RFFL: variants seen among roughly 807,000 people sequenced by gnomAD.
The protein encoded by RFFL is E3 ubiquitin-protein ligase rififylin.
RFFL carries 16 observed loss-of-function variants against 40.4 expected under a neutral mutation model. That is an observed-to-expected ratio of 0.40 (90% CI 0.27 to 0.60). The LOEUF (loss-of-function observed/expected upper bound fraction) is 0.60, where lower values mean the gene tolerates loss of function less well. Among genes scored for constraint, RFFL ranks in the 20% least tolerant of loss-of-function variants. The pLI, the probability that RFFL is intolerant of heterozygous loss-of-function variation, is 0.47. For synonymous variants in RFFL, 154 were observed against 167.9 expected (o/e 0.92, Z 0.64); for missense variants, 367 against 451.7 (o/e 0.81, Z 1.70).
intron 1 of RFFL, among the ~76,000 whole-genome samples, chr17:35,048,617 A>G (rs1357730906): frequency 6.6e-6 from 1 of 151,896 alleles, no homozygotes; most frequent in Non-Finnish European, 1.5e-5. Context: ...TCTCTTCCCA[A>G]TTCCACCCCA....
At chr17:35,086,996 TTTG>T (rs1567720362) in intron 1 of RFFL, among the ~76,000 whole-genome samples, 1 of 152,226 alleles carries the variant, frequency 6.6e-6, no homozygotes, top group Admixed American at 6.5e-5. Context: ...TGTGCCCTTT[TTTG>T]TTATTGTTGC....
intron 1 of RFFL, among the ~76,000 whole-genome samples, chr17:35,033,499 G>A (rs1005957244): frequency 1.4e-4 from 21 of 151,946 alleles, no homozygotes; most frequent in Admixed American, 2.6e-4. Context: ...TTGCACTCCA[G>A]CCTGGGCATT....
At chr17:35,051,536 C>T (rs1174314787) in intron 1 of RFFL, among the ~76,000 whole-genome samples, 1 of 152,182 alleles carries the variant, frequency 6.6e-6, no homozygotes, top group African/African-American at 2.4e-5. Context: ...ATTCACCTAA[C>T]AAGCACCAAA....
chr17:35,070,359 G>A (rs1226415142), intron 1 of RFFL, among the ~76,000 whole-genome samples: 2 of 152,020 alleles, frequency 1.3e-5, no homozygotes, highest in African/African-American at 4.8e-5. Context: ...TTGTAGAGAT[G>A]GGGTCTCAAT....
At chr17:35,040,546 T>C (rs2091157088) in intron 1 of RFFL, among the ~76,000 whole-genome samples, 2 of 150,218 alleles carry the variant, frequency 1.3e-5, no homozygotes, top group South Asian at 2.1e-4. Flanking sequence ...GAGGTTGCAG[T>C]GAGCTGAGAT....
intron 1 of RFFL, among the ~76,000 whole-genome samples, chr17:35,041,177 G>A (rs1056726785): frequency 1.3e-5 from 2 of 152,172 alleles, no homozygotes; most frequent in African/African-American, 4.8e-5. Context: ...CGAATTTCCA[G>A]AGTCTAGAAT....
At chr17:35,073,781 GCA>G (rs142439740) in intron 1 of RFFL, 42 of 146,700 alleles carry the variant, frequency 2.9e-4, no homozygotes, top group East Asian at 4.0e-4. Context: ...AGACACACAC[GCA>G]CACACACACA....
chr17:35,060,966 C>A (rs369026995), intron 1 of RFFL, among the ~76,000 whole-genome samples: 17 of 151,970 alleles, frequency 1.1e-4, no homozygotes, highest in Admixed American at 4.6e-4. Context: ...GAGTATCTTG[C>A]CAGTTAGAGA....
intron 1 of RFFL, among the ~76,000 whole-genome samples, chr17:35,060,700 A>C (rs1482845700): frequency 5.9e-5 from 9 of 152,236 alleles, no homozygotes; most frequent in African/African-American, 1.7e-4. Context: ...ATAAGCAGCC[A>C]TGGGCTCATG....
intron 1 of RFFL, among the ~76,000 whole-genome samples, chr17:35,062,827 A>C (rs2091301190): frequency 6.6e-6 from 1 of 152,210 alleles, no homozygotes; most frequent in Admixed American, 6.5e-5. Flanking sequence ...TTGGCGATGA[A>C]AAGCAGGAGG....
chr17:35,029,163 T>TC (rs1483750107), intron 1 of RFFL, among the ~76,000 whole-genome samples: 1 of 151,818 alleles, frequency 6.6e-6, no homozygotes, highest in Non-Finnish European at 1.5e-5. Flanking sequence ...CCCAGGAACT[T>TC]AAGTTCCTAG....
intron 1 of RFFL, among the ~76,000 whole-genome samples, chr17:35,077,739 C>G (rs1433740243): frequency 6.6e-6 from 1 of 152,196 alleles, no homozygotes; most frequent in Non-Finnish European, 1.5e-5. Flanking sequence ...GGCCTCCGGG[C>G]CCAACACAAA....
intron 1 of RFFL, among the ~76,000 whole-genome samples, chr17:35,082,256 G>A (rs1172159693): frequency 6.6e-6 from 1 of 152,120 alleles, no homozygotes; most frequent in East Asian, 1.9e-4. Context: ...CTAAAGGAAG[G>A]ACAGCTTTAA....
rs1597832568 is a variant in RFFL, at chr17:35,053,604, T to C, written c.-9+9972A>G. Among the ~76,000 whole-genome samples, 3 of 152,306 alleles carry C rather than the reference T, an allele frequency of 2.0e-5. No individual in the cohort carries two copies. In the East Asian group the frequency reaches 5.8e-4, roughly 29 times the overall value. On this transcript the variant is annotated intron_variant, in intron 1 of 6. Coordinates refer to ENST00000394597, the MANE Select transcript of RFFL (RefSeq NM_001017368.2). ...CTTATCAGCTTGAAGAGAGCTTGGT[T>C]TCCTCATTTGTAAATTGAAGATAAT...
intron 1 of RFFL, among the ~76,000 whole-genome samples, chr17:35,049,313 C>T (rs1318408996): frequency 6.6e-6 from 1 of 152,166 alleles, no homozygotes; most frequent in African/African-American, 2.4e-5. Flanking sequence ...TGCACACACA[C>T]ACACACACAC....
chr17:35,023,455 A>G (rs1036544001), intron 2 of RFFL, among the ~76,000 whole-genome samples: 23 of 152,272 alleles, frequency 1.5e-4, no homozygotes, highest in Admixed American at 2.6e-4. Flanking sequence ...TAACCAAACA[A>G]TACTGTTCAG....
At chr17:35,063,455 CAAAAAAAAAAAAAAAAAA>C (rs36055947) in intron 1 of RFFL, 103 bp downstream of exon 1, 1 of 46,894 alleles carries the variant, frequency 2.1e-5, no homozygotes, top group Admixed American at 3.7e-4. Context: ...AACTCCGTCT[CAAAAAAAAAAAAAAAAAA>C]AAAAAAAAAA....
intron 1 of RFFL, among the ~76,000 whole-genome samples, chr17:35,055,871 A>G (rs918972710): frequency 6.6e-6 from 1 of 152,068 alleles, no homozygotes; most frequent in Admixed American, 6.6e-5. Context: ...CAGATCCCAA[A>G]TTCTGGTAAA....
intron 1 of RFFL, among the ~76,000 whole-genome samples, chr17:35,048,054 T>C (rs548837086): frequency 1.3e-5 from 2 of 151,950 alleles, no homozygotes; most frequent in Non-Finnish European, 2.9e-5. Context: ...ACTCAGCCCA[T>C]TAAGGTTCTT....
Sources: allele counts gnomAD v4.1 joint callset (sites outside exome capture counted in the v4.1 genomes callset), GRCh38; gene constraint gnomAD v4.1.1; transcripts MANE v1.5; gene names NCBI Gene and HGNC (gene_info 2026-07-23, HGNC 2026-07-21).